Variants in PPP1R15B observed in about 807,000 individuals in gnomAD.
PPP1R15B encodes protein phosphatase 1, regulatory (inhibitor) subunit 15B.
A neutral mutation model predicts 53.9 loss-of-function variants in PPP1R15B; 31 were observed. That is an observed-to-expected ratio of 0.58 (90% CI 0.43 to 0.78). The LOEUF (loss-of-function observed/expected upper bound fraction) is 0.78. PPP1R15B is among the 30% of genes least tolerant of loss of function. PPP1R15B has a pLI of 0.00. For missense variants in PPP1R15B, 928 were observed against 849.6 expected (o/e 1.09, Z -1.15); for synonymous variants, 345 against 329.1 (o/e 1.05, Z -0.52).
At chr1:204,407,873 G>T (rs946895453) in intron 1 of PPP1R15B, among the ~76,000 whole-genome samples, 5 of 152,018 alleles carry the variant, frequency 3.3e-5, no homozygotes, top group African/African-American at 1.2e-4. Flanking sequence ...ATATACCAAT[G>T]GCAGGTAGTC....
chr1:204,410,656 T>G lies in PPP1R15B; in HGVS notation c.756A>C (p.Thr252=). 6.2e-7 allele frequency: 1 copy of G among 1,614,014 alleles called. No individual in the cohort carries two copies. Among genetic ancestry groups the G allele is most frequent in the Non-Finnish European group, 8.5e-7 (1 of 1,179,938 alleles). The change falls in exon 1 of 2, where the codon ACA becomes ACC. Residue 252 remains threonine, a synonymous_variant. Transcript: ENST00000367188. ...DGNSEVVGFQ[T]LTPESSCLRE... ...TCAGGCAGCTGCTCTCTGGGGTTAG[T>G]GTCTGGAAGCCGACTACCTCGCTAT...
intron 1 of PPP1R15B, among the ~76,000 whole-genome samples, chr1:204,406,908 C>G (rs1417726666): frequency 6.6e-6 from 1 of 151,610 alleles, no homozygotes; most frequent in South Asian, 2.1e-4. Flanking sequence ...CCCCCCCAAT[C>G]CCCCACCAGC....
At chr1:204,408,242 G>C (rs186283549) in intron 1 of PPP1R15B, among the ~76,000 whole-genome samples, 1 of 152,190 alleles carries the variant, frequency 6.6e-6, no homozygotes, top group Admixed American at 6.5e-5. Context: ...AGAACACAGG[G>C]CTCCAGCTGC....
rs1163924763 is a variant in PPP1R15B, at chr1:204,408,626, T to TA, written c.1920+865_1920+866insT. ...TTCCCTCTACAATAATAGACACCTT[T>TA]GAGTTTGGAGAAGAGTTCAATTAAT... On this transcript the variant is annotated intron_variant, in intron 1 of 1. Coordinates refer to ENST00000367188, the MANE Select transcript of PPP1R15B (RefSeq NM_032833.5). Among the ~76,000 whole-genome samples, 3 of 152,348 alleles carry TA rather than the reference T, an allele frequency of 2.0e-5. No homozygotes were observed. The East Asian group carries it at 5.8e-4, about 29-fold the overall frequency.
rs1292123675 is a variant in PPP1R15B at position 204,404,319 on chromosome 1, TAA to T, written c.*1771_*1772del. The T allele has an allele frequency of 4.4e-6, 3 of 683,986 alleles. No homozygotes were observed. The highest frequency in any genetic ancestry group is 5.4e-6 in the Non-Finnish European group (3 of 555,330). 42.4% of individuals were successfully genotyped at this position (683,986 alleles called of 1,614,324 possible). On this transcript the variant is annotated 3_prime_UTR_variant, in exon 2 of 2. Coordinates refer to ENST00000367188, the MANE Select transcript of PPP1R15B (RefSeq NM_032833.5). Reference sequence around the variant, plus strand: ...CAACATAGCGAAACCCCGTCTCTACTAAAAAGACACAAAAAATTAGCCGGGCG... The same window carrying T: ...CAACATAGCGAAACCCCGTCTCTACTAAAGACACAAAAAATTAGCCGGGCG...
downstream of PPP1R15B, among the ~76,000 whole-genome samples, chr1:204,403,002 G>T (rs1333082454): frequency 1.3e-5 from 2 of 152,100 alleles, no homozygotes; most frequent in East Asian, 3.9e-4. Context: ...AAACCGGAAG[G>T]TGGAGGTTGC....
intron 1 of PPP1R15B, 42 bp downstream of exon 1, chr1:204,409,450 C>T: frequency 6.5e-7 from 1 of 1,549,630 alleles, no homozygotes; most frequent in South Asian, 1.2e-5. Context: ...CATATAAAAA[C>T]AGTCAGAACA....
At position 204,411,168 on chromosome 1, in the gene PPP1R15B, G is replaced by A. The variant is rs765380267; in HGVS notation, c.244C>T (p.Leu82=). 6.2e-7 allele frequency: 1 copy of A among 1,614,222 alleles called. No individual in the cohort carries two copies. The highest frequency in any genetic ancestry group is 8.5e-7 in the Non-Finnish European group (1 of 1,180,046). ...CCACCGAAAAGTTGGCTCCAAATTA[G>A]CACCTTCTGAAGCAATCCGGGGAGC... ...APLPGLLQKV[L]IWSQLFGGMF... Residue 82 remains leucine (L), a synonymous_variant, in exon 1 of 2, where the codon CTA becomes TTA. Coordinates refer to ENST00000367188, the MANE Select transcript of PPP1R15B (RefSeq NM_032833.5).
chr1:204,411,232 G>C lies in PPP1R15B; in HGVS notation c.180C>G (p.Val60=). The change falls in exon 1 of 2, where the codon GTC becomes GTG. Residue 60 remains valine (V), a synonymous_variant. Coordinates refer to ENST00000367188, the MANE Select transcript of PPP1R15B (RefSeq NM_032833.5). ...GGGAGAGCAGTTTCGTCCAGTAACT[G>C]ACCCGAGTCTCGGGCTGGGCAGAGG... ...LLSSAQPETR[V]SYWTKLLSQL... 2.5e-6 allele frequency: 4 copies of C among 1,614,252 alleles called. No homozygotes were observed. The highest frequency in any genetic ancestry group is 3.4e-6 in the Non-Finnish European group (4 of 1,180,040).
chr1:204,404,692 TC>T lies in PPP1R15B; in HGVS notation c.*1399del. ...GTAAGCACTTCTGATGAAAAATTCA[TC>T]CCCACACTTAAATAAGTTCAAAACT... On this transcript the variant is annotated 3_prime_UTR_variant, in exon 2 of 2. Transcript: ENST00000367188. 1 of 985,786 alleles carries T rather than the reference TC, an allele frequency of 1.0e-6. No individual in the cohort carries two copies. The highest frequency in any genetic ancestry group is 1.2e-6 in the Non-Finnish European group (1 of 829,896). The allele number at this position is 985,786 out of a possible 1,614,324, so 61.1% of individuals were successfully genotyped here.
Position 204,409,547 on chromosome 1 carries a change from G to A in PPP1R15B, c.1865C>T (p.Ser622Leu), listed in dbSNP as rs1260234236. Residue 622 changes from serine to leucine, a missense_variant, in exon 1 of 2, where the codon TCG becomes TTG. Ser to Leu is a moderately radical substitution (Grantham distance 145, BLOSUM62 -2). Transcript: ENST00000367188. ...LGSQESECPD[S>L]VQRDVLSGGR... ...TCCAGAAAGAACGTCACGCTGTACCGAGTCTGGACATTCACTTTCTTGGCT... is the reference window on the plus strand; with the variant it reads ...TCCAGAAAGAACGTCACGCTGTACCAAGTCTGGACATTCACTTTCTTGGCT... The A allele has an allele frequency of 6.2e-7, 1 of 1,614,098 alleles. No individual in the cohort carries two copies. Among genetic ancestry groups the A allele is most frequent in the Non-Finnish European group, 8.5e-7 (1 of 1,180,012 alleles).
chr1:204,408,501 T>C (rs1314819100), intron 1 of PPP1R15B, among the ~76,000 whole-genome samples: 1 of 152,262 alleles, frequency 6.6e-6, no homozygotes, highest in Non-Finnish European at 1.5e-5. Context: ...ATTATGGTAC[T>C]GTCCATTTGA....
At position 204,404,495 on chromosome 1, in the gene PPP1R15B, G is replaced by A. The variant is rs1558214512; in HGVS notation, c.*1597C>T. ...ACGAGACTCTGTCTCAAAAAAAAAA[G>A]AAAAAAACAAAAAACACACAGAATA... is the stretch of plus-strand genomic sequence containing the variant. On this transcript the variant is annotated 3_prime_UTR_variant, in exon 2 of 2. Coordinates refer to ENST00000367188, the MANE Select transcript of PPP1R15B (RefSeq NM_032833.5). The A allele has an allele frequency of 1.0e-6, 1 of 979,098 alleles. No individual in the cohort carries two copies. The highest frequency in any genetic ancestry group is 1.2e-6 in the Non-Finnish European group (1 of 824,416). 60.7% of individuals were successfully genotyped at this position (979,098 alleles called of 1,614,324 possible).
rs892821470 is a variant in PPP1R15B, at chr1:204,411,067, T to A, written c.345A>T (p.Pro115=). ...AAGATTTCTGCGCTGTGGGGGCGGC[T>A]GGTTTCTCCCGTCCCTTCAGGGCTC... ...ALRALKGREK[P]AAPTAQKSLS... The change falls in exon 1 of 2, where the codon CCA becomes CCT. Residue 115 remains proline (P), a synonymous_variant. Transcript: ENST00000367188. The A allele has an allele frequency of 1.2e-6, 2 of 1,614,206 alleles. No homozygotes were observed. Among genetic ancestry groups the A allele is most frequent in the South Asian group, 2.2e-5 (2 of 91,084 alleles).
chr1:204,397,598 TGTTA>T (rs1391045093), downstream of PPP1R15B, among the ~76,000 whole-genome samples: 1 of 152,194 alleles, frequency 6.6e-6, no homozygotes, highest in East Asian at 1.9e-4. Context: ...AGGTAATACA[TGTTA>T]ATTAGCTTGA....
At chr1:204,398,812 A>C (rs113017260), downstream of PPP1R15B, among the ~76,000 whole-genome samples, 86 of 152,326 alleles carry the variant, frequency 5.6e-4, 1 homozygote, top group African/African-American at 2.0e-3. Context: ...TGGTGGCAAG[A>C]ATACTCTGGT....
rs1284898241 is a variant in PPP1R15B at position 204,404,019 on chromosome 1, A to G, written c.*2073T>C. The G allele has an allele frequency of 2.0e-5, 20 of 985,348 alleles. No individual in the cohort carries two copies. The highest frequency in any genetic ancestry group is 2.2e-5 in the Non-Finnish European group (18 of 829,930). 61.0% of individuals were successfully genotyped at this position (985,348 alleles called of 1,614,324 possible). A position where few individuals can be genotyped will look rare whatever the true frequency, so the allele number is the denominator to read the frequency against. ...AGGTGCTAGGTTTAAGAAACAGGAA[A>G]CACAACGTTAAGTCTCGGAAATAAA... On this transcript the variant is annotated 3_prime_UTR_variant, in exon 2 of 2. Coordinates refer to ENST00000367188, the MANE Select transcript of PPP1R15B (RefSeq NM_032833.5).
At chr1:204,407,796 G>A (rs565772716) in intron 1 of PPP1R15B, among the ~76,000 whole-genome samples, 48 of 152,256 alleles carry the variant, frequency 3.2e-4, no homozygotes, top group African/African-American at 1.0e-3. Flanking sequence ...AACAGAGGTA[G>A]AAGGGTTTTT....
intron 1 of PPP1R15B, 148 bp from the exon 2 acceptor site, chr1:204,406,461 T>C: frequency 1.6e-6 from 2 of 1,254,940 alleles, no homozygotes; most frequent in Non-Finnish European, 2.1e-6. Flanking sequence ...CCAGCTATAT[T>C]TGAAGTTAAA....
Sources: gnomAD v4.1 joint callset for allele counts (sites outside exome capture counted in the v4.1 genomes callset) on GRCh38, gnomAD v4.1.1 for gene constraint, MANE v1.5 for transcripts, NCBI Gene and HGNC (gene_info 2026-07-23, HGNC 2026-07-21) for gene names.